TLN2: variants seen among roughly 807,000 people sequenced by gnomAD.
TLN2 encodes talin-2.
A neutral mutation model predicts 294.7 loss-of-function variants in TLN2; 118 were observed. That is an observed-to-expected ratio of 0.40 (90% CI 0.34 to 0.47). The LOEUF is 0.47. Ranked by LOEUF, TLN2 falls within the 20% of genes least tolerant of loss-of-function variation. The pLI is 0.84. For synonymous variants in TLN2, 1,431 were observed against 1,304.5 expected (o/e 1.10, Z -2.09); for missense variants, 3,083 against 3,282.2 (o/e 0.94, Z 1.48).
rs201519211 is a variant in TLN2, at chr15:62,675,368, T to A, written c.957+47T>A. ...GAGTGTTCACCTTGGCCCCTTCTTT[T>A]TTCTTTTGTTCAAGCGTTTGCTGTT... On this transcript the variant is annotated intron_variant, in intron 11 of 58. Transcript: ENST00000636159. The A allele has an allele frequency of 3.8e-4, 604 of 1,591,160 alleles. 2 individuals carry two copies. Among genetic ancestry groups the A allele is most frequent in the Non-Finnish European group, 3.4e-5 (40 of 1,161,188 alleles).
rs1408786329 is a variant in TLN2, at chr15:62,840,518, C to T, written c.7537C>T (p.Arg2513Ter). The T allele has an allele frequency of 8.7e-6, 14 of 1,613,948 alleles. No homozygotes were observed. The highest frequency in any genetic ancestry group is 1.3e-5 in the African/African-American group (1 of 74,904). Residue 2513 changes from arginine to a stop codon, truncating the protein, a stop_gained, in exon 59 of 59, where the codon CGA (arginine) becomes TGA (stop). Coordinates refer to ENST00000636159, the MANE Select transcript of TLN2 (RefSeq NM_015059.3). LOFTEE classifies it high-confidence loss of function. The part of the protein sequence containing the change: ...AAQEEMLKKE[R>*]ELEEARKKLA... ...CCAGGAAGAAATGCTAAAGAAAGAGCGAGAACTGGAAGAAGCAAGGAAAAA... is the reference window on the plus strand; with the variant it reads ...CCAGGAAGAAATGCTAAAGAAAGAGTGAGAACTGGAAGAAGCAAGGAAAAA...
In TLN2 at chr15:62,585,829, C is replaced by T. The variant is rs184151932; in HGVS notation, c.-237-3858C>T. On this transcript the variant is annotated intron_variant, in intron 1 of 58. Coordinates refer to ENST00000636159, the MANE Select transcript of TLN2 (RefSeq NM_015059.3). ...CCATTGGAGACATGTTCTGTCTCAG[C>T]GTTCTCTAGGGACCTTGTTATGATC... Among the ~76,000 whole-genome samples the T allele has an allele frequency of 5.6e-4, 86 of 152,214 alleles. 1 individual carries two copies. The highest frequency in any genetic ancestry group is 6.8e-3 in the Middle Eastern group (2 of 294).
At chr15:62,409,229 T>C (rs936291921) in intron 1 of TLN2, among the ~76,000 whole-genome samples, 1 of 152,084 alleles carries the variant, frequency 6.6e-6, no homozygotes, top group Non-Finnish European at 1.5e-5. Flanking sequence ...TGCCTCAGCC[T>C]CCCAAAGAGC....
At chr15:62,657,098 G>T (rs2053292424) in intron 8 of TLN2, among the ~76,000 whole-genome samples, 1 of 150,374 alleles carries the variant, frequency 6.7e-6, no homozygotes, top group Non-Finnish European at 1.5e-5. Flanking sequence ...ATAGCTTGGA[G>T]TGTCCATCTT....
intron 3 of TLN2, among the ~76,000 whole-genome samples, chr15:62,642,209 C>G (rs936996199): frequency 6.6e-6 from 1 of 152,120 alleles, no homozygotes; most frequent in Non-Finnish European, 1.5e-5. Context: ...TATACCCAGT[C>G]TTTGAGTAAA....
At chr15:62,639,499 C>G (rs924828716) in intron 3 of TLN2, among the ~76,000 whole-genome samples, 1 of 152,192 alleles carries the variant, frequency 6.6e-6, no homozygotes, top group Admixed American at 6.5e-5. Flanking sequence ...AGTGTTCAAA[C>G]AGTAGTCCTG....
At chr15:62,709,210 G>A (rs964083119) in intron 21 of TLN2, among the ~76,000 whole-genome samples, 1 of 152,164 alleles carries the variant, frequency 6.6e-6, no homozygotes, top group Non-Finnish European at 1.5e-5. Flanking sequence ...GGAGAGCACC[G>A]GGGTGGTCAG....
At chr15:62,491,249 C>T (rs2038689110) in intron 1 of TLN2, among the ~76,000 whole-genome samples, 1 of 151,582 alleles carries the variant, frequency 6.6e-6, no homozygotes, top group Non-Finnish European at 1.5e-5. Flanking sequence ...GTTGCTTGAA[C>T]CTGGGAGGTG....
intron 1 of TLN2, among the ~76,000 whole-genome samples, chr15:62,579,523 G>C (rs1050263345): frequency 1.3e-5 from 2 of 152,204 alleles, no homozygotes; most frequent in Admixed American, 6.5e-5. Flanking sequence ...GGGCTGAGAA[G>C]ACTCACAGTA....
At chr15:62,441,333 G>A (rs1466097797) in intron 1 of TLN2, among the ~76,000 whole-genome samples, 2 of 152,204 alleles carry the variant, frequency 1.3e-5, no homozygotes, top group Non-Finnish European at 1.5e-5. Context: ...CTGGGCTCAC[G>A]TGATGTCTGT....
intron 7 of TLN2, among the ~76,000 whole-genome samples, chr15:62,654,308 T>G (rs2052942997): frequency 6.6e-6 from 1 of 152,174 alleles, no homozygotes; most frequent in Non-Finnish European, 1.5e-5. Context: ...TTGAATAGAT[T>G]TAAATGTTTG....
At chr15:62,481,042 C>T (rs969739252) in intron 1 of TLN2, among the ~76,000 whole-genome samples, 1 of 152,164 alleles carries the variant, frequency 6.6e-6, no homozygotes, top group Non-Finnish European at 1.5e-5. Flanking sequence ...CCCATTCCAA[C>T]GAACTAGTCC....
chr15:62,455,938 G>A (rs1456287250), intron 1 of TLN2, among the ~76,000 whole-genome samples: 1 of 152,126 alleles, frequency 6.6e-6, no homozygotes, highest in East Asian at 1.9e-4. Flanking sequence ...CTTTGCTTTT[G>A]CAGACCAGTG....
intron 1 of TLN2, among the ~76,000 whole-genome samples, chr15:62,453,922 G>A (rs575707678): frequency 3.9e-5 from 6 of 152,256 alleles, no homozygotes; most frequent in East Asian, 1.9e-4. Context: ...TGCAGCTGCC[G>A]GTGGGTAGGT....
intron 1 of TLN2, among the ~76,000 whole-genome samples, chr15:62,477,901 G>GA (rs1491369469): frequency 2.1e-5 from 3 of 143,004 alleles, no homozygotes; most frequent in African/African-American, 7.8e-5. Context: ...GGGGGGGATG[G>GA]AGGGGGGGGT....
chr15:62,435,235 A>G (rs1186629247), intron 1 of TLN2, among the ~76,000 whole-genome samples: 1 of 152,200 alleles, frequency 6.6e-6, no homozygotes, highest in African/African-American at 2.4e-5. Flanking sequence ...ATACGCATGC[A>G]TGTATCTTTA....
Position 62,800,475 on chromosome 15 carries a change from G to A in TLN2, c.6342G>A (p.Gln2114=). ...CAGTGGACGACCCTTCCATGTACCA[G>A]CTCAAGGGGGCTGCCAAGGTAGAGT... is the stretch of plus-strand genomic sequence containing the variant. The part of the protein sequence containing the change: ...SKPVDDPSMY[Q]LKGAAKVMVT... The change falls in exon 49 of 59, where the codon CAG becomes CAA. Residue 2114 remains glutamine, a synonymous_variant. Coordinates refer to ENST00000636159, the MANE Select transcript of TLN2 (RefSeq NM_015059.3). 6.2e-7 allele frequency: 1 copy of A among 1,614,172 alleles called. No homozygotes were observed. Among genetic ancestry groups the A allele is most frequent in the Non-Finnish European group, 8.5e-7 (1 of 1,180,020 alleles).
At position 62,694,432 on chromosome 15, in the gene TLN2, T is replaced by A. The variant is rs756370174; in HGVS notation, c.1292+40T>A. ...GAGTACTAGAGGACCACCTTCTCCC[T>A]AGATAGGTAGGTTTCCTCTTGCCAG... On this transcript the variant is annotated intron_variant, in intron 14 of 58. Transcript: ENST00000636159. 11 of 1,571,918 alleles carry A rather than the reference T, an allele frequency of 7.0e-6. No homozygotes were observed. In the South Asian group the frequency reaches 1.2e-4, roughly 18 times the overall value.
At chr15:62,648,773 T>A (rs2140937241) in intron 4 of TLN2, among the ~76,000 whole-genome samples, 1 of 152,186 alleles carries the variant, frequency 6.6e-6, no homozygotes, top group East Asian at 1.9e-4. Context: ...GGTCTTGAAC[T>A]CCTGACCTCT....
Sources: gnomAD v4.1 joint callset for allele counts (sites outside exome capture counted in the v4.1 genomes callset) on GRCh38, gnomAD v4.1.1 for gene constraint, MANE v1.5 for transcripts, NCBI Gene and HGNC (gene_info 2026-07-23, HGNC 2026-07-21) for gene names.